PPP2R2C: variants seen among roughly 807,000 people sequenced by gnomAD.
PPP2R2C encodes protein phosphatase 2 regulatory subunit Bgamma.
PPP2R2C carries 10 observed loss-of-function variants against 45.3 expected under a neutral mutation model. The observed-to-expected ratio is 0.22, with a 90% CI of 0.14 to 0.37. The LOEUF is 0.37. Ranked by LOEUF, PPP2R2C falls within the 10% of genes least tolerant of loss-of-function variation. The pLI, the probability that PPP2R2C is intolerant of heterozygous loss-of-function variation, is 1.00. For synonymous variants in PPP2R2C, 257 were observed against 245.4 expected, an observed-to-expected ratio of 1.05 and a Z score of -0.44; for missense variants, 308 against 619.7, an observed-to-expected ratio of 0.50 and a Z score of 5.34.
In PPP2R2C at chr4:6,320,768, A is replaced by G. The variant is rs1323527666; in HGVS notation, c.*2534T>C. On this transcript the variant is annotated 3_prime_UTR_variant, in exon 9 of 9. Coordinates refer to ENST00000382599, the MANE Select transcript of PPP2R2C (RefSeq NM_020416.4). ...ATCCCACACCACCACCCCCACCACC[A>G]CCACCACCAACAGCTTCGTCCTCAG... is the stretch of plus-strand genomic sequence containing the variant. 1 of 134,660 alleles carries G rather than the reference A, an allele frequency of 7.4e-6. No homozygotes were observed. The highest frequency in any genetic ancestry group is 2.7e-5 in the African/African-American group (1 of 36,540). 8.3% of individuals were successfully genotyped at this position (134,660 alleles called of 1,614,324 possible).
At position 6,378,035 on chromosome 4, in the gene PPP2R2C, C is replaced by G. The variant is rs1462848145; in HGVS notation, c.334+372G>C. Among the ~76,000 whole-genome samples, 3 of 152,210 alleles carry G rather than the reference C, an allele frequency of 2.0e-5. No homozygotes were observed. Among genetic ancestry groups the G allele is most frequent in the African/African-American group, 4.8e-5 (2 of 41,460 alleles). ...GTCAAATATCCCCCGTGTCTGCGACCTGCATCCTTGTCCATCACACTCCCT... is the reference window on the plus strand; with the variant it reads ...GTCAAATATCCCCCGTGTCTGCGACGTGCATCCTTGTCCATCACACTCCCT... On this transcript the variant is annotated intron_variant, in intron 3 of 8. Transcript: ENST00000382599. This position sits in a 1 kb window ranked among gnomAD's most constrained non-coding sequence, Gnocchi z 5.2.
intron 1 of PPP2R2C, among the ~76,000 whole-genome samples, chr4:6,434,483 C>A (rs1344868291): frequency 1.3e-5 from 2 of 151,238 alleles, no homozygotes; most frequent in African/African-American, 4.9e-5. Context: ...CTCAGCCTCC[C>A]AAGTACCTAA....
chr4:6,399,582 T>G (rs531577943), intron 1 of PPP2R2C, among the ~76,000 whole-genome samples: 92 of 152,270 alleles, frequency 6.0e-4, no homozygotes, highest in African/African-American at 2.1e-3. Context: ...AAATTAACAT[T>G]CACCTCACTC....
At chr4:6,413,775 T>G (rs1718360230) in intron 1 of PPP2R2C, 2 of 1,238,762 alleles carry the variant, frequency 1.6e-6, no homozygotes, top group Non-Finnish European at 1.1e-6. Flanking sequence ...TCACTGAGAC[T>G]CTGAGAAGTG....
chr4:6,323,310 T>G lies in PPP2R2C; in HGVS notation c.1336A>C (p.Met446Leu). The change falls in exon 9 of 9, where the codon ATG (methionine) becomes CTG (leucine). Residue 446 changes from methionine (M) to leucine (L), a missense_variant. Met to Leu is a conservative substitution (Grantham distance 15). Coordinates refer to ENST00000382599, the MANE Select transcript of PPP2R2C (RefSeq NM_020416.4). ...YIFQDKVNSDMH is the reference protein window; with the variant it reads ...YIFQDKVNSDLH ...CCGGGAACTGCACATACCTAGTGCA[T>G]GTCAGAGTTTACCTTGTCCTGGAAG... 6.2e-7 allele frequency: 1 copy of G among 1,600,698 alleles called. No homozygotes were observed. Among genetic ancestry groups the G allele is most frequent in the Non-Finnish European group, 8.6e-7 (1 of 1,169,234 alleles).
rs56366148 is a variant in PPP2R2C at position 6,350,296 on chromosome 4, G to A, written c.626-2286C>T. ...CATGGCTTTCCAGGACACGCTGCCCGCTCGGAGCAGCTCTCAGGTCCTTAC... is the reference window on the plus strand; with the variant it reads ...CATGGCTTTCCAGGACACGCTGCCCACTCGGAGCAGCTCTCAGGTCCTTAC... On this transcript the variant is annotated intron_variant, in intron 5 of 8. Coordinates refer to ENST00000382599, the MANE Select transcript of PPP2R2C (RefSeq NM_020416.4). 260 of 985,440 alleles carry A rather than the reference G, an allele frequency of 2.6e-4. 2 individuals carry two copies. The African/African-American group carries it at 4.0e-3, about 15-fold the overall frequency. 61.0% of individuals were successfully genotyped at this position (985,440 alleles called of 1,614,324 possible).
intron 2 of PPP2R2C, among the ~76,000 whole-genome samples, chr4:6,511,225 AT>A: frequency 6.6e-6 from 1 of 151,888 alleles, no homozygotes; most frequent in East Asian, 1.9e-4. Flanking sequence ...TGCTCAGTAC[AT>A]GTTAGTCGTT....
intron 6 of PPP2R2C, among the ~76,000 whole-genome samples, chr4:6,336,718 TCCCTCCCTCCTTCCCTCCC>T (rs1560453531): frequency 2.6e-4 from 10 of 37,906 alleles, no homozygotes; most frequent in African/African-American, 1.5e-3. Context: ...CCTCCCTCCC[TCCCTCCCTCCTTCCCTCCC>T]TCCCTCCCTC....
intron 2 of PPP2R2C, among the ~76,000 whole-genome samples, chr4:6,516,626 C>T (rs962886323): frequency 2.6e-5 from 4 of 152,230 alleles, no homozygotes; most frequent in Non-Finnish European, 5.9e-5. Context: ...CTATAAAATT[C>T]TGGAGGAATT....
In PPP2R2C at chr4:6,442,039, G is replaced by A. The variant is rs956037747; in HGVS notation, c.70+30121C>T. Among the ~76,000 whole-genome samples, 5 of 152,320 alleles carry A rather than the reference G, an allele frequency of 3.3e-5. No homozygotes were observed. The Middle Eastern group carries it at 0.01, about 311-fold the overall frequency. Reference sequence around the variant, plus strand: ...GCCCCATCAAAGCCAAACGGTGTCCGTGGGTGGGGGAAGGCAGCCAGCAGA... The same window carrying A: ...GCCCCATCAAAGCCAAACGGTGTCCATGGGTGGGGGAAGGCAGCCAGCAGA... On this transcript the variant is annotated intron_variant, in intron 1 of 8. Transcript: ENST00000382599.
intron 2 of PPP2R2C, among the ~76,000 whole-genome samples, chr4:6,511,484 T>G (rs1274851017): frequency 1.1e-5 from 1 of 87,808 alleles, no homozygotes; most frequent in African/African-American, 4.8e-5. Context: ...GTGATGGCGG[T>G]GTTGGTGGTG....
intron 1 of PPP2R2C, among the ~76,000 whole-genome samples, chr4:6,439,646 T>G (rs1285932287): frequency 6.6e-6 from 1 of 152,066 alleles, no homozygotes; most frequent in Non-Finnish European, 1.5e-5. Context: ...CTGCCTCCAG[T>G]CCACCCCCAT....
chr4:6,513,377 G>T (rs1452820754), intron 2 of PPP2R2C, among the ~76,000 whole-genome samples: 1 of 152,212 alleles, frequency 6.6e-6, no homozygotes, highest in African/African-American at 2.4e-5. Flanking sequence ...TGGAGAGGAA[G>T]CCATGGTCTC....
chr4:6,372,090 C>A (rs935764002), intron 5 of PPP2R2C, among the ~76,000 whole-genome samples: 1 of 152,226 alleles, frequency 6.6e-6, no homozygotes, highest in Non-Finnish European at 1.5e-5. Flanking sequence ...TCACCCGAAG[C>A]CCTGGCCGGG....
intron 5 of PPP2R2C, among the ~76,000 whole-genome samples, chr4:6,366,927 A>G (rs556761078): frequency 2.0e-5 from 3 of 152,242 alleles, no homozygotes; most frequent in Non-Finnish European, 4.4e-5. Flanking sequence ...ACATGGTCAG[A>G]CCAGAGGTTC....
At position 6,368,567 on chromosome 4, in the gene PPP2R2C, AGG is replaced by A. The variant is rs1419296025; in HGVS notation, c.625+3954_625+3955del. ...GGAGGCAAGGCTCACGGTAACGGCC[AGG>A]GAGGACTTTGCAGTCCTGGGATGAA... On this transcript the variant is annotated intron_variant, in intron 5 of 8. Coordinates refer to ENST00000382599, the MANE Select transcript of PPP2R2C (RefSeq NM_020416.4). This position sits in a 1 kb window ranked among gnomAD's most constrained non-coding sequence, Gnocchi z 4.2. Among the ~76,000 whole-genome samples, 2 of 152,214 alleles carry A rather than the reference AGG, an allele frequency of 1.3e-5. No individual in the cohort carries two copies. The highest frequency in any genetic ancestry group is 4.8e-5 in the African/African-American group (2 of 41,460).
At chr4:6,543,066 T>A (rs769761075) in intron 1 of PPP2R2C, among the ~76,000 whole-genome samples, 4 of 151,986 alleles carry the variant, frequency 2.6e-5, no homozygotes, top group Non-Finnish European at 4.4e-5. Context: ...CAAGGAGGGA[T>A]CTTTGCCGCA....
chr4:6,465,592 A>G (rs6446507), intron 1 of PPP2R2C, among the ~76,000 whole-genome samples: 144,993 of 152,202 alleles, frequency 0.95, 69,487 homozygotes, highest in East Asian at 1. Context: ...AAGATACAAA[A>G]CCTTTTCATG....
chr4:6,349,198 C>G, intron 5 of PPP2R2C: 1 of 985,418 alleles, frequency 1.0e-6, no homozygotes, highest in Non-Finnish European at 1.2e-6. Flanking sequence ...AGGCTCCGGT[C>G]TCCCCGGCCC....
Sources: gnomAD v4.1 joint callset for allele counts (sites outside exome capture counted in the v4.1 genomes callset) on GRCh38, gnomAD v4.1.1 for gene constraint, Gnocchi (gnomAD v3.1) non-coding constraint, MANE v1.5 for transcripts, NCBI Gene and HGNC (gene_info 2026-07-23, HGNC 2026-07-21) for gene names.